Variants in MYT1L observed in about 807,000 individuals in gnomAD.
MYT1L encodes the protein myelin transcription factor 1 like.
A neutral mutation model predicts 126.7 loss-of-function variants in MYT1L; 12 were observed. The observed-to-expected ratio is 0.09, with a 90% CI of 0.06 to 0.15. The LOEUF is 0.15. Among genes scored for constraint, MYT1L ranks in the 10% least tolerant of loss-of-function variants. The pLI, the probability that MYT1L is intolerant of heterozygous loss-of-function variation, is 1.00. For synonymous variants in MYT1L, 541 were observed against 604.2 expected (o/e 0.90, Z 1.53); for missense variants, 979 against 1,585.2 (o/e 0.62, Z 6.49).
chr2:2,148,804 G>A (rs1369778694), intron 3 of MYT1L, among the ~76,000 whole-genome samples: 1 of 152,150 alleles, frequency 6.6e-6, no homozygotes, highest in African/African-American at 2.4e-5. Flanking sequence ...CACAGCATGA[G>A]CCTCCAAAAG....
At chr2:2,133,208 C>T (rs537324280) in intron 3 of MYT1L, among the ~76,000 whole-genome samples, 10 of 152,096 alleles carry the variant, frequency 6.6e-5, no homozygotes, top group African/African-American at 1.7e-4. Context: ...GATCACAGGA[C>T]GGCAGTGTAA....
chr2:2,058,012 C>T (rs2069837056), intron 3 of MYT1L, among the ~76,000 whole-genome samples: 1 of 152,242 alleles, frequency 6.6e-6, no homozygotes, highest in East Asian at 1.9e-4. Flanking sequence ...TAAAAGAAAA[C>T]GCCAAACTGG....
intron 9 of MYT1L, among the ~76,000 whole-genome samples, chr2:1,931,644 C>A (rs1208580573): frequency 1.3e-5 from 2 of 152,144 alleles, no homozygotes; most frequent in South Asian, 4.1e-4. Context: ...ACACTCCCAG[C>A]CATTTTGTGT....
rs754552615 is a variant in MYT1L, at chr2:1,791,864, T to A, written c.*3A>T. 1 of 1,584,172 alleles carries A rather than the reference T, an allele frequency of 6.3e-7. No individual in the cohort carries two copies. The highest frequency in any genetic ancestry group is 8.5e-7 in the Non-Finnish European group (1 of 1,170,406). On this transcript the variant is annotated 3_prime_UTR_variant, in exon 25 of 25. Coordinates refer to ENST00000647738, the MANE Select transcript of MYT1L (RefSeq NM_001303052.2). The surrounding 1 kb of genome is among the most constrained non-coding windows in gnomAD (Gnocchi z 6.0). ...GCAAGAGTTTCATCACTACAGCAGCTGTTCAGACCTGAATTCCTCTCACAG... is the reference window on the plus strand; with the variant it reads ...GCAAGAGTTTCATCACTACAGCAGCAGTTCAGACCTGAATTCCTCTCACAG...
At chr2:1,934,252 C>T (rs892243562) in intron 9 of MYT1L, among the ~76,000 whole-genome samples, 1 of 146,508 alleles carries the variant, frequency 6.8e-6, no homozygotes, top group African/African-American at 2.5e-5. Context: ...GGATTACAGG[C>T]GTGGGCCACA....
At chr2:2,129,147 C>T (rs2082059076) in intron 3 of MYT1L, among the ~76,000 whole-genome samples, 3 of 152,262 alleles carry the variant, frequency 2.0e-5, no homozygotes, top group Non-Finnish European at 2.9e-5. Context: ...CAGAGCAAGA[C>T]CTTAATGAAT....
intron 13 of MYT1L, among the ~76,000 whole-genome samples, chr2:1,906,090 C>T (rs2051014521): frequency 6.6e-6 from 1 of 152,060 alleles, no homozygotes; most frequent in South Asian, 2.1e-4. Flanking sequence ...TTATGATTCA[C>T]TGAAAAAATA....
intron 3 of MYT1L, among the ~76,000 whole-genome samples, chr2:2,081,213 G>A (rs2075788025): frequency 6.6e-6 from 1 of 152,218 alleles, no homozygotes; most frequent in Non-Finnish European, 1.5e-5. Context: ...TGTAGAGACA[G>A]CAAAGGGAAA....
intron 3 of MYT1L, among the ~76,000 whole-genome samples, chr2:2,088,046 C>A (rs1299907687): frequency 6.6e-6 from 1 of 152,182 alleles, no homozygotes; most frequent in Admixed American, 6.5e-5. Context: ...GAGGGGTCAA[C>A]AAGAGGTCAT....
intron 8 of MYT1L, among the ~76,000 whole-genome samples, chr2:1,961,928 T>C (rs943722337): frequency 4.6e-5 from 7 of 152,240 alleles, no homozygotes; most frequent in African/African-American, 1.7e-4. Context: ...TAATGTATTG[T>C]GTATTTCAAA....
intron 2 of MYT1L, among the ~76,000 whole-genome samples, chr2:2,177,683 G>T (rs1443802936): frequency 6.6e-6 from 1 of 152,180 alleles, no homozygotes; most frequent in Non-Finnish European, 1.5e-5. Flanking sequence ...GAATTTGAGA[G>T]AATCCAGGGA....
intron 2 of MYT1L, among the ~76,000 whole-genome samples, chr2:2,270,042 G>A (rs575274912): frequency 1.6e-4 from 25 of 152,296 alleles, no homozygotes; most frequent in East Asian, 1.2e-3. Flanking sequence ...TGGGTGGGGC[G>A]TGTGGAGAGT....
chr2:2,091,360 T>G (rs1035265177), intron 3 of MYT1L, among the ~76,000 whole-genome samples: 2 of 152,200 alleles, frequency 1.3e-5, no homozygotes, highest in Non-Finnish European at 2.9e-5. Flanking sequence ...AGCAGTAATA[T>G]TTTGAAAGAA....
At chr2:2,137,712 C>T (rs940104092) in intron 3 of MYT1L, among the ~76,000 whole-genome samples, 2 of 152,228 alleles carry the variant, frequency 1.3e-5, no homozygotes, top group African/African-American at 4.8e-5. Flanking sequence ...AAGACTTAAA[C>T]ATTAGACCTA....
intron 2 of MYT1L, among the ~76,000 whole-genome samples, chr2:2,234,097 A>G (rs1349534257): frequency 6.6e-6 from 1 of 152,250 alleles, no homozygotes; most frequent in Non-Finnish European, 1.5e-5. Context: ...TTATCAGGTC[A>G]AGAAGTGACA....
At chr2:2,076,877 G>T (rs991270849) in intron 3 of MYT1L, among the ~76,000 whole-genome samples, 5 of 152,024 alleles carry the variant, frequency 3.3e-5, no homozygotes, top group African/African-American at 1.2e-4. Context: ...TTTGGGACTT[G>T]GTGAAGACTT....
At chr2:2,278,092 G>A (rs1234139568) in intron 2 of MYT1L, among the ~76,000 whole-genome samples, 1 of 152,180 alleles carries the variant, frequency 6.6e-6, no homozygotes, top group African/African-American at 2.4e-5. Flanking sequence ...GAAATTTAAA[G>A]CGGAAAGTAA....
At chr2:1,816,901 C>T (rs991815048) in intron 21 of MYT1L, 2 of 152,452 alleles carry the variant, frequency 1.3e-5, no homozygotes, top group African/African-American at 2.4e-5. Context: ...CCAGTTGGTT[C>T]CGTCCCAGGG....
At chr2:1,954,633 C>G (rs1017347750) in intron 8 of MYT1L, among the ~76,000 whole-genome samples, 2 of 152,164 alleles carry the variant, frequency 1.3e-5, no homozygotes, top group African/African-American at 4.8e-5. Flanking sequence ...TTTCCACTGT[C>G]AGGGGTCCTC....
Sources: allele counts gnomAD v4.1 joint callset (sites outside exome capture counted in the v4.1 genomes callset), GRCh38; gene constraint gnomAD v4.1.1; non-coding constraint Gnocchi (gnomAD v3.1); transcripts MANE v1.5; gene names NCBI Gene and HGNC (gene_info 2026-07-23, HGNC 2026-07-21).